UGT1A10: variants seen among roughly 807,000 people sequenced by gnomAD.
The protein encoded by UGT1A10 is UDP glucuronosyltransferase family 1 member A10, also known as UDP-glucuronosyltransferase 1A10.
UGT1A10 carries 49 observed loss-of-function variants against 45.8 expected under a neutral mutation model. The observed-to-expected ratio is 1.07, with a 90% CI of 0.85 to 1.36. UGT1A10 has a LOEUF of 1.36. UGT1A10 is among the 40% of genes most tolerant of loss of function. The pLI is 0.00. For synonymous variants in UGT1A10, 284 were observed against 249.7 expected (o/e 1.14, Z -1.29); for missense variants, 745 against 668.6 (o/e 1.11, Z -1.26).
intron 1 of UGT1A10, chr2:233,713,363 A>G (rs753739474): frequency 1.9e-6 from 3 of 1,614,204 alleles, no homozygotes; most frequent in South Asian, 2.2e-5. Context: ...CTTTGATCAT[A>G]CATAGGTCTT....
At chr2:233,669,650 TA>T (rs2074142419) in intron 1 of UGT1A10, among the ~76,000 whole-genome samples, 1 of 152,176 alleles carries the variant, frequency 6.6e-6, no homozygotes, top group Admixed American at 6.5e-5. Context: ...CCCCGAGCAG[TA>T]AAAAATTAGC....
At chr2:233,653,350 A>C (rs186454430) in intron 1 of UGT1A10, among the ~76,000 whole-genome samples, 19 of 152,344 alleles carry the variant, frequency 1.2e-4, no homozygotes, top group African/African-American at 4.1e-4. Flanking sequence ...CAGGTGTACT[A>C]ATGACCTTCA....
At chr2:233,762,172 G>A (rs964461264) in intron 1 of UGT1A10, among the ~76,000 whole-genome samples, 8 of 152,040 alleles carry the variant, frequency 5.3e-5, no homozygotes, top group East Asian at 3.9e-4. Flanking sequence ...TGTATGCGGC[G>A]TCCTCAACAC....
chr2:233,743,636 C>A (rs764566878), intron 1 of UGT1A10: 1 of 1,367,194 alleles, frequency 7.3e-7, no homozygotes. Context: ...GGCTGGGTCG[C>A]GGAAGCTGAA....
intron 1 of UGT1A10, among the ~76,000 whole-genome samples, chr2:233,712,498 ATGT>A (rs1196672713): frequency 6.6e-6 from 1 of 152,200 alleles, no homozygotes; most frequent in Non-Finnish European, 1.5e-5. Context: ...TGGCTTAGCA[ATGT>A]TGTCTGCATT....
chr2:233,720,704 CT>C (rs796417980), intron 1 of UGT1A10, among the ~76,000 whole-genome samples: 3,410 of 139,098 alleles, frequency 0.025, 114 homozygotes, highest in African/African-American at 0.077. Flanking sequence ...GGGAGCCATC[CT>C]TTTTTTTTTT....
At chr2:233,766,566 G>A (rs930471985) in intron 1 of UGT1A10, among the ~76,000 whole-genome samples, 1 of 152,162 alleles carries the variant, frequency 6.6e-6, no homozygotes, top group Non-Finnish European at 1.5e-5. Context: ...AGGTCCATGG[G>A]CACAGGTCTG....
At chr2:233,678,683 CA>C (rs1053839810) in intron 1 of UGT1A10, among the ~76,000 whole-genome samples, 3 of 152,058 alleles carry the variant, frequency 2.0e-5, no homozygotes, top group African/African-American at 7.3e-5. Context: ...TGTGTAAGGC[CA>C]ATTTTTTTTC....
At chr2:233,667,362 A>G (rs1314423977) in intron 1 of UGT1A10, among the ~76,000 whole-genome samples, 3 of 152,166 alleles carry the variant, frequency 2.0e-5, no homozygotes, top group African/African-American at 7.2e-5. Flanking sequence ...CCTTCCTTAC[A>G]CCTTATACAA....
At chr2:233,690,685 G>A (rs760063871) in intron 1 of UGT1A10, 25 of 1,255,756 alleles carry the variant, frequency 2.0e-5, no homozygotes, top group South Asian at 1.8e-4. Context: ...GGTCTCCAGC[G>A]GAGCTACTCT....
chr2:233,753,448 GCC>G (rs1695207775), intron 1 of UGT1A10: 1 of 152,160 alleles, frequency 6.6e-6, no homozygotes, highest in South Asian at 2.1e-4. Context: ...ATGTGTTCAG[GCC>G]ATGATTTTTC....
intron 1 of UGT1A10, among the ~76,000 whole-genome samples, chr2:233,726,718 C>T (rs2077554623): frequency 1.3e-5 from 2 of 152,316 alleles, no homozygotes; most frequent in African/African-American, 2.4e-5. Flanking sequence ...TGAGGAAGTA[C>T]AATGTAGATA....
At chr2:233,671,718 A>AT (rs1455957777) in intron 1 of UGT1A10, 146 of 1,035,694 alleles carry the variant, frequency 1.4e-4, no homozygotes, top group Middle Eastern at 6.7e-4. Context: ...ACCATAAGCT[A>AT]CTGTTGTCTG....
At chr2:233,771,544 A>C (rs1300566643) in intron 4 of UGT1A10, 1 of 152,264 alleles carries the variant, frequency 6.6e-6, no homozygotes, top group Non-Finnish European at 1.5e-5. Flanking sequence ...GGCACTTACA[A>C]ATGGCTGTTA....
chr2:233,714,908 G>A (rs149876180), intron 1 of UGT1A10, among the ~76,000 whole-genome samples: 2,802 of 146,068 alleles, frequency 0.019, 40 homozygotes, highest in South Asian at 0.029. Context: ...ATGGAGTCTT[G>A]CTCTGTCACC....
chr2:233,694,924 A>C (rs17864690), intron 1 of UGT1A10, among the ~76,000 whole-genome samples: 9,219 of 152,270 alleles, frequency 0.061, 475 homozygotes, highest in African/African-American at 0.14. Flanking sequence ...ATGTGCGATG[A>C]TCAAATCAGG....
chr2:233,719,660 C>G, intron 1 of UGT1A10: 1 of 1,614,116 alleles, frequency 6.2e-7, no homozygotes, highest in Non-Finnish European at 8.5e-7. Flanking sequence ...GGGGCATCAA[C>G]TGTGCCAACG....
At chr2:233,761,009 A>G (rs1395770157) in intron 1 of UGT1A10, 4 of 1,613,884 alleles carry the variant, frequency 2.5e-6, no homozygotes, top group Non-Finnish European at 3.4e-6. Flanking sequence ...CTTCAGAGAG[A>G]GGTGACTGTC....
intron 1 of UGT1A10, among the ~76,000 whole-genome samples, chr2:233,686,413 A>C (rs895224661): frequency 6.6e-6 from 1 of 152,186 alleles, no homozygotes; most frequent in Non-Finnish European, 1.5e-5. Flanking sequence ...TAAGGTGTGC[A>C]GATAAACACA....
Sources: gnomAD v4.1 joint callset for allele counts (sites outside exome capture counted in the v4.1 genomes callset) on GRCh38, gnomAD v4.1.1 for gene constraint, MANE v1.5 for transcripts, NCBI Gene and HGNC (gene_info 2026-07-23, HGNC 2026-07-21) for gene names.